Variants in CCDC27 observed in about 807,000 individuals in gnomAD.
CCDC27 encodes the protein coiled-coil domain-containing protein 27.
Under a neutral mutation model 80.3 loss-of-function variants are expected in CCDC27, and 80 were observed. That is an observed-to-expected ratio of 1.00 (90% CI 0.83 to 1.20). The LOEUF (loss-of-function observed/expected upper bound fraction) is 1.20, where lower values mean the gene tolerates loss of function less well. Ranked by LOEUF, CCDC27 falls within the 50% of genes most tolerant of loss-of-function variation. CCDC27 has a pLI of 0.00. For missense variants in CCDC27, 815 were observed against 809.4 expected, an observed-to-expected ratio of 1.01 and a Z score of -0.08; for synonymous variants, 342 against 334.3, an observed-to-expected ratio of 1.02 and a Z score of -0.25.
chr1:3,762,913 G>A, intron 6 of CCDC27, 195 bp from the exon 7 acceptor site: 1 of 796,226 alleles, frequency 1.3e-6, no homozygotes, highest in Non-Finnish European at 1.9e-6. Flanking sequence ...CTGACAGAGG[G>A]AGGACCCGTG....
intron 3 of CCDC27, 34 bp downstream of exon 3, chr1:3,755,601 G>T: frequency 6.5e-7 from 1 of 1,545,848 alleles, no homozygotes. Flanking sequence ...GCCTGCACCT[G>T]CTGGGCCCCT....
chr1:3,763,211 C>A lies in CCDC27; in HGVS notation c.1058C>A (p.Thr353Lys). The change falls in exon 7 of 12, where the codon ACG becomes AAG. Residue 353 changes from threonine to lysine, a missense_variant. Transcript: ENST00000294600. The surrounding 1 kb of genome is among the most constrained non-coding windows in gnomAD (Gnocchi z 7.5). The part of the protein sequence containing the change: ...LEGEPDGVED[T>K]GAWGGVSQMG... ...GGGGAGCCCGATGGGGTGGAGGACACGGGTGCCTGGGGAGGTGTGAGCCAG... is the reference window on the plus strand; with the variant it reads ...GGGGAGCCCGATGGGGTGGAGGACAAGGGTGCCTGGGGAGGTGTGAGCCAG... 1 of 1,534,096 alleles carries A rather than the reference C, an allele frequency of 6.5e-7. No individual in the cohort carries two copies.
intron 2 of CCDC27, 44 bp from the exon 3 acceptor site, chr1:3,755,413 C>G (rs751865274): frequency 1.4e-5 from 22 of 1,523,496 alleles, no homozygotes; most frequent in Non-Finnish European, 1.8e-5. Flanking sequence ...CTTGGGGAGA[C>G]AAGACCGCAG....
At position 3,771,519 on chromosome 1, in the gene CCDC27, AG is replaced by A. The variant is rs1557634655; in HGVS notation, c.1968del (p.Lys656AsnfsTer?). 1 of 1,613,272 alleles carries A rather than the reference AG, an allele frequency of 6.2e-7. No individual in the cohort carries two copies. Among genetic ancestry groups the A allele is most frequent in the East Asian group, 2.2e-5 (1 of 44,898 alleles). ...AGCAAATCCAAGAAGGGGACCTCCA[AG>A]TAGGCCCAGCCAGGCCCCCAAATAC... is the stretch of plus-strand genomic sequence containing the variant. Reference protein sequence around the residue: ...LTSKSKKGTSK With the variant: ...LTSKSKKGTSX On this transcript the variant is annotated frameshift_variant, in exon 12 of 12. Coordinates refer to ENST00000294600, the MANE Select transcript of CCDC27 (RefSeq NM_152492.3). LOFTEE classifies it high-confidence loss of function.
In CCDC27 at chr1:3,768,757, G is replaced by A. The variant is rs1391457900; in HGVS notation, c.1744-1026G>A. Reference sequence around the variant, plus strand: ...CCAAGCCTGATGGTGAGGCCCCACGGGTGTGGGGAAGTGAGGCTGGACACC... The same window carrying A: ...CCAAGCCTGATGGTGAGGCCCCACGAGTGTGGGGAAGTGAGGCTGGACACC... On this transcript the variant is annotated intron_variant, in intron 10 of 11. Coordinates refer to ENST00000294600, the MANE Select transcript of CCDC27 (RefSeq NM_152492.3). This position sits in a 1 kb window ranked among gnomAD's most constrained non-coding sequence, Gnocchi z 5.6. 1.3e-5 allele frequency among the ~76,000 whole-genome samples: 2 copies of A among 152,166 alleles called. No homozygotes were observed. Among genetic ancestry groups the A allele is most frequent in the African/African-American group, 2.4e-5 (1 of 41,450 alleles).
At chr1:3,764,899 A>T in intron 8 of CCDC27, among the ~76,000 whole-genome samples, 1 of 152,002 alleles carries the variant, frequency 6.6e-6, no homozygotes, top group East Asian at 1.9e-4. Flanking sequence ...AACCGGTGTG[A>T]TGGTGGATGC....
intron 8 of CCDC27, among the ~76,000 whole-genome samples, chr1:3,764,861 C>A (rs1263708911): frequency 6.6e-6 from 1 of 151,988 alleles, no homozygotes. Flanking sequence ...TATGGTGAAA[C>A]CCCAGCTCTA....
intron 4 of CCDC27, among the ~76,000 whole-genome samples, chr1:3,757,549 C>T (rs779451414): frequency 2.6e-4 from 39 of 151,936 alleles, no homozygotes; most frequent in Non-Finnish European, 4.9e-4. Flanking sequence ...TCAAGCAATC[C>T]TCCCACTTCA....
chr1:3,752,962 G>A (rs567200624), intron 1 of CCDC27, among the ~76,000 whole-genome samples, 163 bp downstream of exon 1: 2 of 152,222 alleles, frequency 1.3e-5, no homozygotes, highest in Non-Finnish European at 2.9e-5. Context: ...GAGCGCTAGG[G>A]GTGGAAAGAG....
At chr1:3,753,632 G>A (rs755514097) in intron 1 of CCDC27, among the ~76,000 whole-genome samples, 3 of 152,298 alleles carry the variant, frequency 2.0e-5, no homozygotes, top group Middle Eastern at 3.4e-3. Context: ...CACCATGCCC[G>A]GCTGGACTAT....
intron 3 of CCDC27, chr1:3,756,446 C>T: frequency 3.4e-6 from 1 of 293,626 alleles, no homozygotes; most frequent in East Asian, 7.8e-5. Context: ...TCCCGACTCC[C>T]AGCTCCGGCT....
intron 2 of CCDC27, 71 bp from the exon 3 acceptor site, chr1:3,755,386 G>C: frequency 7.8e-7 from 1 of 1,278,902 alleles, no homozygotes; most frequent in Non-Finnish European, 1.1e-6. Context: ...GGATAAATAA[G>C]AGTCTGCCCT....
Position 3,771,553 on chromosome 1 carries a change from C to T in CCDC27, c.*30C>T. 6 of 1,610,748 alleles carry T rather than the reference C, an allele frequency of 3.7e-6. No homozygotes were observed. Among genetic ancestry groups the T allele is most frequent in the Non-Finnish European group, 4.2e-6 (5 of 1,179,546 alleles). ...AGCCAGGCCCCCAAATACGGTCAGCCCAGCAGAGGCCGGGGCCCAGCTCCA... is the reference window on the plus strand; with the variant it reads ...AGCCAGGCCCCCAAATACGGTCAGCTCAGCAGAGGCCGGGGCCCAGCTCCA... On this transcript the variant is annotated 3_prime_UTR_variant, in exon 12 of 12. Coordinates refer to ENST00000294600, the MANE Select transcript of CCDC27 (RefSeq NM_152492.3).
In CCDC27 at chr1:3,763,078, T is replaced by C; in HGVS notation, c.955-30T>C. On this transcript the variant is annotated intron_variant, in intron 6 of 11. Coordinates refer to ENST00000294600, the MANE Select transcript of CCDC27 (RefSeq NM_152492.3). The surrounding 1 kb of genome is among the most constrained non-coding windows in gnomAD (Gnocchi z 7.5). ...CTGCCCTGGGGGTGCCCCGCAGCCC[T>C]GCCCAGCCCCTGCCCTACCCATCTT... The C allele has an allele frequency of 6.9e-7, 1 of 1,457,814 alleles. No homozygotes were observed. 90.3% of individuals were successfully genotyped at this position (1,457,814 alleles called of 1,614,324 possible). A position where few individuals can be genotyped will look rare whatever the true frequency, so the allele number is the denominator to read the frequency against.
At position 3,754,196 on chromosome 1, in the gene CCDC27, G is replaced by T; in HGVS notation, c.397G>T (p.Asp133Tyr). Residue 133 changes from aspartate (D) to tyrosine (Y), a missense_variant, in exon 2 of 12, where the codon GAC (aspartate) becomes TAC (tyrosine). Coordinates refer to ENST00000294600, the MANE Select transcript of CCDC27 (RefSeq NM_152492.3). ...ELRRVFPTHP[D>Y]CPQFSTRATS... ...TCGAAGGGTCTTCCCCACGCATCCT[G>T]ACTGCCCCCAGTTCAGCACCAGGGC... 6.2e-7 allele frequency: 1 copy of T among 1,613,576 alleles called. No individual in the cohort carries two copies. Among genetic ancestry groups the T allele is most frequent in the Non-Finnish European group, 8.5e-7 (1 of 1,179,828 alleles).
rs191035535 is a variant in CCDC27 at position 3,763,996 on chromosome 1, C to T, written c.1452+160C>T. Among the ~76,000 whole-genome samples, 10 of 152,254 alleles carry T rather than the reference C, an allele frequency of 6.6e-5. No individual in the cohort carries two copies. The highest frequency in any genetic ancestry group is 1.4e-4 in the African/African-American group (6 of 41,572). ...TGGCCCAGGGTTGTGCGGCTGATAGCGGCCCCGCTAGGATTCCCCAAGGTG... is the reference window on the plus strand; with the variant it reads ...TGGCCCAGGGTTGTGCGGCTGATAGTGGCCCCGCTAGGATTCCCCAAGGTG... On this transcript the variant is annotated intron_variant, in intron 8 of 11. Coordinates refer to ENST00000294600, the MANE Select transcript of CCDC27 (RefSeq NM_152492.3). This position sits in a 1 kb window ranked among gnomAD's most constrained non-coding sequence, Gnocchi z 7.5.
rs1195520307 is a variant in CCDC27 at position 3,761,468 on chromosome 1, A to G, written c.861+38A>G. On this transcript the variant is annotated intron_variant, in intron 5 of 11. Coordinates refer to ENST00000294600, the MANE Select transcript of CCDC27 (RefSeq NM_152492.3). The surrounding 1 kb of genome is among the most constrained non-coding windows in gnomAD (Gnocchi z 5.0). ...CAGCGGGGCACAGCGCAGAGCTCTA[A>G]GACGGTTGTTTTCAAAGCGTCCAAA... 1.3e-6 allele frequency: 2 copies of G among 1,597,622 alleles called. No homozygotes were observed. Among genetic ancestry groups the G allele is most frequent in the Non-Finnish European group, 1.7e-6 (2 of 1,172,136 alleles).
Position 3,761,654 on chromosome 1 carries a change from AG to A in CCDC27, c.861+232del, listed in dbSNP as rs113450975. ...AATGAGAGCCATGAGCTGATGCAAC[AG>A]GGGGGGGAGAGATGAATGGAGGCGC... is the stretch of plus-strand genomic sequence containing the variant. On this transcript the variant is annotated intron_variant, in intron 5 of 11. Transcript: ENST00000294600. The surrounding 1 kb of genome is among the most constrained non-coding windows in gnomAD (Gnocchi z 5.0). Among the ~76,000 whole-genome samples the A allele has an allele frequency of 0.26, 39,217 of 151,568 alleles. 6,408 individuals are homozygous for A. The highest frequency in any genetic ancestry group is 0.37 in the Non-Finnish European group (25,176 of 67,860).
In CCDC27 at chr1:3,761,503, G is replaced by T. The variant is rs948070774; in HGVS notation, c.861+73G>T. ...TTTCAAAGCGTCCAAAGCTGCTAGTGACACACAGGCCCCTGGCAAACCCCC... is the reference window on the plus strand; with the variant it reads ...TTTCAAAGCGTCCAAAGCTGCTAGTTACACACAGGCCCCTGGCAAACCCCC... On this transcript the variant is annotated intron_variant, in intron 5 of 11. Coordinates refer to ENST00000294600, the MANE Select transcript of CCDC27 (RefSeq NM_152492.3). This position sits in a 1 kb window ranked among gnomAD's most constrained non-coding sequence, Gnocchi z 5.0. 6 of 1,543,334 alleles carry T rather than the reference G, an allele frequency of 3.9e-6. No homozygotes were observed. Among genetic ancestry groups the T allele is most frequent in the Non-Finnish European group, 5.3e-6 (6 of 1,140,766 alleles).
Sources: allele counts gnomAD v4.1 joint callset (sites outside exome capture counted in the v4.1 genomes callset), GRCh38; gene constraint gnomAD v4.1.1; non-coding constraint Gnocchi (gnomAD v3.1); transcripts MANE v1.5; gene names NCBI Gene and HGNC (gene_info 2026-07-23, HGNC 2026-07-21).